GRM1: variants seen among roughly 807,000 people sequenced by gnomAD.
GRM1 encodes the protein metabotropic glutamate receptor 1.
GRM1 carries 33 observed loss-of-function variants against 90.9 expected under a neutral mutation model. The observed-to-expected ratio is 0.36, with a 90% CI of 0.28 to 0.49. GRM1 has a LOEUF of 0.49. Among genes scored for constraint, GRM1 ranks in the 20% least tolerant of loss-of-function variants. GRM1 has a pLI of 0.99. For missense variants in GRM1, 1,190 were observed against 1,534.3 expected, an observed-to-expected ratio of 0.78 and a Z score of 3.75; for synonymous variants, 700 against 613.2, an observed-to-expected ratio of 1.14 and a Z score of -2.09.
chr6:146,177,281 G>A (rs905726152), intron 2 of GRM1, among the ~76,000 whole-genome samples: 8 of 152,002 alleles, frequency 5.3e-5, no homozygotes, highest in African/African-American at 1.9e-4. Context: ...GACTTCCTCT[G>A]ACAACTCACA....
chr6:146,183,488 A>G (rs775551876), intron 2 of GRM1, among the ~76,000 whole-genome samples: 1 of 152,152 alleles, frequency 6.6e-6, no homozygotes, highest in Non-Finnish European at 1.5e-5. Flanking sequence ...GAGGTAGAGG[A>G]GATATATTAA....
intron 1 of GRM1, among the ~76,000 whole-genome samples, chr6:146,081,632 C>A (rs1020617445): frequency 6.6e-6 from 1 of 152,152 alleles, no homozygotes; most frequent in South Asian, 2.1e-4. Context: ...AAGTAAGTGG[C>A]AAAATGTCTG....
chr6:146,395,824 T>C lies in GRM1; in HGVS notation c.1730-2945T>C, dbSNP rs115830858. 3.8e-3 allele frequency among the ~76,000 whole-genome samples: 571 copies of C among 152,142 alleles called. 5 individuals are homozygous for C. The highest frequency in any genetic ancestry group is 0.013 in the African/African-American group (550 of 41,538). ...ATTTAGAGAGTCAGGTAAAGTTGCATAGAAAAAGAATGAAATGAAAAGAAG... is the reference window on the plus strand; with the variant it reads ...ATTTAGAGAGTCAGGTAAAGTTGCACAGAAAAAGAATGAAATGAAAAGAAG... On this transcript the variant is annotated intron_variant, in intron 6 of 7. Transcript: ENST00000282753.
intron 1 of GRM1, among the ~76,000 whole-genome samples, chr6:146,048,878 C>T (rs1186989651): frequency 2.6e-5 from 4 of 151,884 alleles, no homozygotes; most frequent in South Asian, 2.1e-4. Flanking sequence ...CCAATTCTAT[C>T]GACACCTTAA....
chr6:146,247,790 G>C, intron 2 of GRM1, among the ~76,000 whole-genome samples: 1 of 142,242 alleles, frequency 7.0e-6, no homozygotes, highest in African/African-American at 2.8e-5. Flanking sequence ...GTGTGTGTGT[G>C]TGTGTGTGTG....
chr6:146,245,469 C>A (rs2114746066), intron 2 of GRM1, among the ~76,000 whole-genome samples: 1 of 152,220 alleles, frequency 6.6e-6, no homozygotes, highest in East Asian at 1.9e-4. Context: ...AAATACTTAT[C>A]ATAATTACTA....
intron 2 of GRM1, among the ~76,000 whole-genome samples, chr6:146,215,758 CTTT>C (rs35104475): frequency 1.4e-5 from 2 of 140,428 alleles, no homozygotes; most frequent in African/African-American, 2.7e-5. Flanking sequence ...TATCCACAAA[CTTT>C]TTTTTTTTTT....
chr6:146,219,569 T>C (rs2114671605), intron 2 of GRM1, among the ~76,000 whole-genome samples: 1 of 152,042 alleles, frequency 6.6e-6, no homozygotes, highest in South Asian at 2.1e-4. Context: ...AGGAAGAGAA[T>C]AGGAAATATT....
intron 7 of GRM1, among the ~76,000 whole-genome samples, chr6:146,401,244 G>A (rs186987940): frequency 4.6e-5 from 7 of 152,178 alleles, no homozygotes; most frequent in South Asian, 2.1e-4. Flanking sequence ...AGCCAATAAT[G>A]TACGCTTACT....
intron 3 of GRM1, among the ~76,000 whole-genome samples, chr6:146,343,121 G>A (rs76326715): frequency 0.015 from 2,305 of 152,018 alleles, 24 homozygotes; most frequent in South Asian, 0.028. Context: ...TACTGGTCAG[G>A]TATTTTGTAG....
intron 2 of GRM1, among the ~76,000 whole-genome samples, chr6:146,300,651 C>T (rs979107962): frequency 4.6e-5 from 7 of 152,224 alleles, no homozygotes; most frequent in Non-Finnish European, 8.8e-5. Context: ...AACTGAGAAG[C>T]AGATGGAGCA....
chr6:146,416,836 C>A (rs576531298), intron 7 of GRM1, among the ~76,000 whole-genome samples: 1 of 152,110 alleles, frequency 6.6e-6, no homozygotes, highest in African/African-American at 2.4e-5. Context: ...TCCTCAGCAC[C>A]GTGAGACTTC....
chr6:146,211,790 T>C (rs539451852), intron 2 of GRM1, among the ~76,000 whole-genome samples: 4 of 152,340 alleles, frequency 2.6e-5, no homozygotes, highest in Admixed American at 6.5e-5. Flanking sequence ...TCTTTTTTTG[T>C]TTTCAGTTTC....
chr6:146,215,974 G>A (rs1460740203), intron 2 of GRM1, among the ~76,000 whole-genome samples: 4 of 152,064 alleles, frequency 2.6e-5, no homozygotes, highest in Non-Finnish European at 5.9e-5. Flanking sequence ...AGCCAGGATG[G>A]TCTCGATCAC....
chr6:146,405,436 A>G (rs1255403346), intron 7 of GRM1, among the ~76,000 whole-genome samples: 2 of 152,240 alleles, frequency 1.3e-5, no homozygotes, highest in African/African-American at 4.8e-5. Flanking sequence ...ATGGAAACCA[A>G]GGAGACCTTG....
In GRM1 at chr6:146,296,793, A is replaced by G. The variant is rs552617869; in HGVS notation, c.951-7818A>G. On this transcript the variant is annotated intron_variant, in intron 2 of 7. Transcript: ENST00000282753. Reference sequence around the variant, plus strand: ...TTTCCTTTATTACTTTTTCTACCATAGTCCTTGGACTGACTTCAAGCCTCC... The same window carrying G: ...TTTCCTTTATTACTTTTTCTACCATGGTCCTTGGACTGACTTCAAGCCTCC... Among the ~76,000 whole-genome samples, 4 of 152,322 alleles carry G rather than the reference A, an allele frequency of 2.6e-5. No individual in the cohort carries two copies. In the East Asian group the frequency reaches 7.7e-4, roughly 29 times the overall value.
intron 2 of GRM1, among the ~76,000 whole-genome samples, chr6:146,285,533 A>T (rs967074282): frequency 4.6e-5 from 7 of 152,138 alleles, no homozygotes; most frequent in African/African-American, 1.7e-4. Flanking sequence ...CATGAATTAG[A>T]TCTCTTCCTT....
At chr6:146,035,196 A>G (rs1296381198) in intron 1 of GRM1, among the ~76,000 whole-genome samples, 2 of 152,000 alleles carry the variant, frequency 1.3e-5, no homozygotes, top group Admixed American at 1.3e-4. Context: ...GTAAGAACTA[A>G]TAATAAAAAC....
chr6:146,225,006 TTATGTCC>T (rs1780191261), intron 2 of GRM1, among the ~76,000 whole-genome samples: 1 of 152,114 alleles, frequency 6.6e-6, no homozygotes, highest in Admixed American at 6.6e-5. Flanking sequence ...AAATGGTTGT[TTATGTCC>T]TCCATCATCC....
Sources: allele counts gnomAD v4.1 joint callset (sites outside exome capture counted in the v4.1 genomes callset), GRCh38; gene constraint gnomAD v4.1.1; transcripts MANE v1.5; gene names NCBI Gene and HGNC (gene_info 2026-07-23, HGNC 2026-07-21).